CMKLR2: variants seen among roughly 807,000 people sequenced by gnomAD.
CMKLR2 encodes chemerin chemokine-like receptor 2.
In CMKLR2, 18 loss-of-function variants were observed where a neutral mutation model predicts 23.0. The observed-to-expected ratio is 0.78, with a 90% confidence interval of 0.54 to 1.16. CMKLR2 has a LOEUF of 1.16. Among genes scored for constraint, CMKLR2 ranks in the 50% most tolerant of loss-of-function variants. The pLI is 0.00. For missense variants in CMKLR2, 401 were observed against 412.7 expected, an observed-to-expected ratio of 0.97 and a Z score of 0.25; for synonymous variants, 158 against 158.9, an observed-to-expected ratio of 0.99 and a Z score of 0.05.
At chr2:206,187,465 CAAAGT>C (rs1219482914) in intron 1 of CMKLR2, among the ~76,000 whole-genome samples, 2 of 152,094 alleles carry the variant, frequency 1.3e-5, no homozygotes, top group African/African-American at 4.8e-5. Flanking sequence ...AATGCAATCT[CAAAGT>C]AATATCGGTG....
intron 1 of CMKLR2, among the ~76,000 whole-genome samples, chr2:206,180,985 C>T (rs932707233): frequency 6.0e-5 from 9 of 150,738 alleles, no homozygotes; most frequent in East Asian, 5.9e-4. Context: ...GAACTCCTGA[C>T]GTCAGGTGAT....
At chr2:206,202,126 T>C (rs1182996258) in intron 1 of CMKLR2, among the ~76,000 whole-genome samples, 4 of 152,218 alleles carry the variant, frequency 2.6e-5, no homozygotes, top group East Asian at 1.9e-4. Flanking sequence ...ACAGAACTTA[T>C]GGAGATTTCA....
At chr2:206,212,390 C>CGT (rs1689602300) in intron 1 of CMKLR2, among the ~76,000 whole-genome samples, 1 of 146,966 alleles carries the variant, frequency 6.8e-6, no homozygotes, top group African/African-American at 2.5e-5. Flanking sequence ...GTCCCTTGGC[C>CGT]TTTTTTTTTT....
At chr2:206,210,003 A>G (rs556857960) in intron 1 of CMKLR2, among the ~76,000 whole-genome samples, 38 of 114,214 alleles carry the variant, frequency 3.3e-4, no homozygotes, top group Non-Finnish European at 5.2e-4. Flanking sequence ...TCACTCTGTC[A>G]CCCAGACTGG....
Position 206,210,164 on chromosome 2 carries a change from A to G in CMKLR2, c.-29+3143T>C, listed in dbSNP as rs576949570. ...TTTTTAGTAGAGACGGGGTTTCACC[A>G]TGTCGGCCAGGCTCAGGTGATCTGC... On this transcript the variant is annotated intron_variant, in intron 1 of 1. Transcript: ENST00000621141. Among the ~76,000 whole-genome samples the G allele has an allele frequency of 1.0e-4, 15 of 150,546 alleles. 1 individual carries two copies. In the South Asian group the frequency reaches 3.2e-3, roughly 32 times the overall value.
chr2:206,205,004 C>T (rs1574326429), intron 1 of CMKLR2, among the ~76,000 whole-genome samples: 1 of 152,192 alleles, frequency 6.6e-6, no homozygotes, highest in African/African-American at 2.4e-5. Flanking sequence ...ATCTCACTGA[C>T]CTGCTGTAAT....
intron 1 of CMKLR2, among the ~76,000 whole-genome samples, chr2:206,180,222 T>C (rs1688365991): frequency 1.3e-5 from 2 of 152,018 alleles, no homozygotes; most frequent in Admixed American, 1.3e-4. Context: ...ATAAGAATCT[T>C]ACATACACTT....
chr2:206,204,476 C>T (rs993608806), intron 1 of CMKLR2, among the ~76,000 whole-genome samples: 5 of 151,822 alleles, frequency 3.3e-5, no homozygotes, highest in Non-Finnish European at 7.4e-5. Context: ...AGCAAATTCT[C>T]GGGCTTCTAG....
intron 1 of CMKLR2, among the ~76,000 whole-genome samples, chr2:206,211,084 G>T (rs1390521024): frequency 6.6e-6 from 1 of 152,038 alleles, no homozygotes; most frequent in African/African-American, 2.4e-5. Context: ...AAGCTGCCAG[G>T]TTGTCTACCT....
chr2:206,193,125 G>C (rs1029224697), intron 1 of CMKLR2, among the ~76,000 whole-genome samples: 1 of 151,980 alleles, frequency 6.6e-6, no homozygotes, highest in African/African-American at 2.4e-5. Flanking sequence ...TTGAAACCAA[G>C]TCTTGCTCTG....
intron 1 of CMKLR2, among the ~76,000 whole-genome samples, chr2:206,210,341 T>C (rs1349736466): frequency 1.3e-5 from 2 of 152,254 alleles, no homozygotes; most frequent in Non-Finnish European, 2.9e-5. Flanking sequence ...TTCCTTTTCA[T>C]GGCTGCACAG....
chr2:206,214,294 C>T (rs190252158), upstream of CMKLR2, among the ~76,000 whole-genome samples: 51 of 150,974 alleles, frequency 3.4e-4, no homozygotes, highest in East Asian at 6.5e-3. Context: ...GCGTCAGCCT[C>T]CCAAGTAGCT....
intron 1 of CMKLR2, among the ~76,000 whole-genome samples, chr2:206,187,688 G>A (rs1044633946): frequency 1.2e-4 from 18 of 152,214 alleles, no homozygotes; most frequent in African/African-American, 4.1e-4. Flanking sequence ...AGAAAATGGG[G>A]GAAATTTTTC....
rs1469493921 is a variant in CMKLR2, at chr2:206,176,951, C to T, written c.297G>A (p.Met99Ile). 2.5e-6 allele frequency: 4 copies of T among 1,614,096 alleles called. No homozygotes were observed. Among genetic ancestry groups the T allele is most frequent in the Non-Finnish European group, 3.4e-6 (4 of 1,180,052 alleles). Residue 99 changes from methionine to isoleucine, a missense_variant, in exon 2 of 2, where the codon ATG becomes ATA. Met to Ile is a conservative substitution (Grantham distance 10, BLOSUM62 1). Transcript: ENST00000621141. ...FLPLYISYVAMNFHWPFGIWL... is the reference protein window; with the variant it reads ...FLPLYISYVAINFHWPFGIWL... Reference sequence around the variant, plus strand: ...AGATGCCAAAGGGCCAGTGGAAATTCATGGCCACATAGGAGATGTACAGGG... The same window carrying T: ...AGATGCCAAAGGGCCAGTGGAAATTTATGGCCACATAGGAGATGTACAGGG...
At position 206,208,830 on chromosome 2, in the gene CMKLR2, C is replaced by G. The variant is rs567000451; in HGVS notation, c.-29+4477G>C. ...GGACTACAGGCATGCACTACCATGC[C>G]TGGCTAATTCTTAAATTTTTGGTAG... On this transcript the variant is annotated intron_variant, in intron 1 of 1. Coordinates refer to ENST00000621141, the MANE Select transcript of CMKLR2 (RefSeq NM_001389445.1). Among the ~76,000 whole-genome samples the G allele has an allele frequency of 1.5e-4, 23 of 152,070 alleles. No individual in the cohort carries two copies. The South Asian group carries it at 4.8e-3, about 32-fold the overall frequency.
Position 206,176,775 on chromosome 2 carries a change from A to G in CMKLR2, c.473T>C (p.Ile158Thr), listed in dbSNP as rs535009332. Reference protein sequence around the residue: ...HRTLKNSLIVIIFIWLLASLI... With the variant: ...HRTLKNSLIVTIFIWLLASLI... The stretch of plus-strand genomic sequence containing the variant: ...AGAAGCCAAAAGCCAGATGAATATA[A>G]TGACAATCAGAGAGTTCTTGAGGGT... The change falls in exon 2 of 2, where the codon ATT (isoleucine) becomes ACT (threonine). Residue 158 changes from isoleucine (I) to threonine (T), a missense_variant. Physicochemically the swap from Ile to Thr is moderately conservative, Grantham distance 89. Coordinates refer to ENST00000621141, the MANE Select transcript of CMKLR2 (RefSeq NM_001389445.1). 3.1e-6 allele frequency: 5 copies of G among 1,614,182 alleles called. No individual in the cohort carries two copies. Among genetic ancestry groups the G allele is most frequent in the East Asian group, 2.2e-5 (1 of 44,884 alleles).
intron 1 of CMKLR2, among the ~76,000 whole-genome samples, chr2:206,212,579 G>A (rs902941960): frequency 2.6e-5 from 4 of 152,102 alleles, no homozygotes; most frequent in African/African-American, 9.7e-5. Flanking sequence ...AAAGACAATT[G>A]GTGCTCACAG....
At chr2:206,201,535 T>C (rs1220453086) in intron 1 of CMKLR2, among the ~76,000 whole-genome samples, 2 of 152,146 alleles carry the variant, frequency 1.3e-5, no homozygotes, top group Non-Finnish European at 2.9e-5. Flanking sequence ...ACCAAGGGCA[T>C]CACAATTAGT....
chr2:206,206,616 C>T lies in CMKLR2; in HGVS notation c.-29+6691G>A, dbSNP rs142721800. Among the ~76,000 whole-genome samples the T allele has an allele frequency of 8.1e-4, 123 of 152,330 alleles. 1 individual carries two copies. The highest frequency in any genetic ancestry group is 2.7e-3 in the African/African-American group (111 of 41,586). Reference sequence around the variant, plus strand: ...CAGGGCCCCTGCTCTAAGCTCCTCACTTAGAGCAACTGTTACTACATATGT... The same window carrying T: ...CAGGGCCCCTGCTCTAAGCTCCTCATTTAGAGCAACTGTTACTACATATGT... On this transcript the variant is annotated intron_variant, in intron 1 of 1. Coordinates refer to ENST00000621141, the MANE Select transcript of CMKLR2 (RefSeq NM_001389445.1).
Sources: gnomAD v4.1 joint callset for allele counts (sites outside exome capture counted in the v4.1 genomes callset) on GRCh38, gnomAD v4.1.1 for gene constraint, MANE v1.5 for transcripts, NCBI Gene and HGNC (gene_info 2026-07-23, HGNC 2026-07-21) for gene names.